F8: variants seen among roughly 807,000 people sequenced by gnomAD.
F8 encodes the protein antihemophilic factor.
F8 carries 12 observed loss-of-function variants against 140.6 expected under a neutral mutation model. The ratio of observed to expected loss-of-function variants is 0.09; its 90% confidence interval spans 0.05 to 0.14. The LOEUF (loss-of-function observed/expected upper bound fraction) is 0.14. F8 is among the 10% of genes least tolerant of loss of function. The probability of loss-of-function intolerance (pLI) is 1.00; values close to 1 mark genes in which losing one functional copy is unlikely to be tolerated. For synonymous variants in F8, 585 were observed against 614.6 expected (o/e 0.95, Z 0.71); for missense variants, 1,354 against 1,720.7 (o/e 0.79, Z 3.77).
intron 6 of F8, among the ~76,000 whole-genome samples, chrX:154,979,468 T>G (rs1445739884): frequency 9.0e-6 from 1 of 110,922 alleles, no homozygotes; most frequent in Non-Finnish European, 1.9e-5. Flanking sequence ...GTGCTGGTTG[T>G]GCTATGCAGG....
At chrX:155,017,776 C>A (rs1380854314) in intron 1 of F8, among the ~76,000 whole-genome samples, 1 of 112,025 alleles carries the variant, frequency 8.9e-6, no homozygotes. Flanking sequence ...CTTATGCACA[C>A]TGAAGTTTGA....
chrX:154,862,009 G>A, intron 23 of F8, 143 bp from the exon 24 acceptor site: 3 of 744,004 alleles, frequency 4.0e-6, no homozygotes, highest in Non-Finnish European at 6.0e-6. Context: ...TCTGTTATTG[G>A]TTTTTTGTTT....
chrX:154,837,496 T>TTGA lies in F8; in HGVS notation c.*100_*101insTCA, dbSNP rs1557271004. 3.1e-6 allele frequency: 3 copies of TTGA among 978,702 alleles called. No individual in the cohort carries two copies. The highest frequency in any genetic ancestry group is 4.2e-6 in the Non-Finnish European group (3 of 706,379). The allele number at this position is 978,702 out of a possible 1,213,427, so 80.7% of individuals were successfully genotyped here. A position where few individuals can be genotyped will look rare whatever the true frequency, so the allele number is the denominator to read the frequency against. Reference sequence around the variant, plus strand: ...CAGGAGGCTTCAAGGCAGTGTCTGCTAGGATTTAGCACAAAGGTAGAAGGC... The same window carrying TTGA: ...CAGGAGGCTTCAAGGCAGTGTCTGCTTGAAGGATTTAGCACAAAGGTAGAAGGC... On this transcript the variant is annotated 3_prime_UTR_variant, in exon 26 of 26. Transcript: ENST00000360256.
intron 25 of F8, among the ~76,000 whole-genome samples, chrX:154,851,896 A>G (rs1296367493): frequency 8.9e-6 from 1 of 111,858 alleles, no homozygotes; most frequent in Non-Finnish European, 1.9e-5. Flanking sequence ...GATGTACAAA[A>G]GCTTTTAACT....
rs782792194 is a variant in F8, at chrX:154,951,888, G to GA, written c.1903+2003dup. Among the ~76,000 whole-genome samples, 33 of 110,463 alleles carry GA rather than the reference G, an allele frequency of 3.0e-4. No individual in the cohort carries two copies. In the East Asian group the frequency reaches 8.5e-3, roughly 28 times the overall value. On this transcript the variant is annotated intron_variant, in intron 12 of 25. Transcript: ENST00000360256. The stretch of plus-strand genomic sequence containing the variant: ...AAAAGCTATATTAGAAATCCCAGAG[G>GA]AAAAAAAATATATATCATCTTCAGT...
chrX:154,959,154 T>G, intron 10 of F8, among the ~76,000 whole-genome samples: 1 of 111,412 alleles, frequency 9.0e-6, no homozygotes. Context: ...GGCAGGCAGA[T>G]CGCTTGAGCT....
chrX:154,970,345 A>C (rs1388722548), intron 6 of F8, among the ~76,000 whole-genome samples: 1 of 111,890 alleles, frequency 8.9e-6, no homozygotes, highest in Non-Finnish European at 1.9e-5. Context: ...TTCAGATCCC[A>C]CACTGGTAAC....
At chrX:154,917,853 T>C in intron 14 of F8, among the ~76,000 whole-genome samples, 1 of 112,075 alleles carries the variant, frequency 8.9e-6, no homozygotes, top group South Asian at 3.7e-4. Flanking sequence ...GTTCTTTGAG[T>C]TTCCTCAGAA....
Position 154,837,520 on chromosome X carries a change from G to T in F8, c.*77C>A. On this transcript the variant is annotated 3_prime_UTR_variant, in exon 26 of 26. Coordinates refer to ENST00000360256, the MANE Select transcript of F8 (RefSeq NM_000132.4). ...CTAGGATTTAGCACAAAGGTAGAAG[G>T]CAAGCCAGGGAGGGACACTGCCCTG... 1 of 1,100,139 alleles carries T rather than the reference G, an allele frequency of 9.1e-7. No homozygotes were observed. The allele number at this position is 1,100,139 out of a possible 1,213,427, so 90.7% of individuals were successfully genotyped here. A position where few individuals can be genotyped will look rare whatever the true frequency, so the allele number is the denominator to read the frequency against.
intron 4 of F8, among the ~76,000 whole-genome samples, chrX:154,992,552 T>G (rs2073593781): frequency 8.9e-6 from 1 of 112,288 alleles, no homozygotes; most frequent in South Asian, 3.7e-4. Flanking sequence ...CCAGTCTATA[T>G]GCCATTGATC....
chrX:154,851,602 T>G (rs1403398840), intron 25 of F8, among the ~76,000 whole-genome samples: 1 of 111,505 alleles, frequency 9.0e-6, no homozygotes, highest in African/African-American at 3.3e-5. Flanking sequence ...TTAGCCATCC[T>G]AGCAGGTTTG....
intron 22 of F8, among the ~76,000 whole-genome samples, chrX:154,871,712 T>C (rs1289401058): frequency 5.4e-5 from 6 of 111,941 alleles, no homozygotes; most frequent in African/African-American, 1.9e-4. Flanking sequence ...CTAATTAAAC[T>C]AAAGAGCTTC....
chrX:155,000,214 C>T (rs2073639263), intron 1 of F8, among the ~76,000 whole-genome samples: 1 of 112,076 alleles, frequency 8.9e-6, no homozygotes, highest in African/African-American at 3.2e-5. Flanking sequence ...AGGCTGGTTC[C>T]CAACTTTTCC....
chrX:154,942,259 T>C (rs2073271298), intron 13 of F8, among the ~76,000 whole-genome samples: 2 of 110,422 alleles, frequency 1.8e-5, no homozygotes, highest in Admixed American at 9.6e-5. Flanking sequence ...ACAGAATTGA[T>C]AGACCGCTAG....
chrX:154,934,540 T>C (rs1474539265), intron 13 of F8, among the ~76,000 whole-genome samples: 2 of 111,942 alleles, frequency 1.8e-5, no homozygotes, highest in Non-Finnish European at 3.8e-5. Context: ...GTAGGAAAGA[T>C]GGGACCAGAA....
chrX:154,861,806 G>A lies in F8; in HGVS notation c.6635C>T (p.Ser2212Leu). 1 of 1,210,601 alleles carries A rather than the reference G, an allele frequency of 8.3e-7. No individual in the cohort carries two copies. The highest frequency in any genetic ancestry group is 1.1e-6 in the Non-Finnish European group (1 of 894,527). ...KAISDAQITASSYFTNMFATW... is the reference protein window; with the variant it reads ...KAISDAQITALSYFTNMFATW... Reference sequence around the variant, plus strand: ...GGCAAACATATTGGTAAAGTAGGATGAAGCAGTAATCTGTGCATCTGATAT... The same window carrying A: ...GGCAAACATATTGGTAAAGTAGGATAAAGCAGTAATCTGTGCATCTGATAT... Residue 2212 changes from serine to leucine, a missense_variant, in exon 24 of 26, where the codon TCA becomes TTA. By Grantham distance (145) the Ser-to-Leu change is moderately radical (BLOSUM62 -2). Coordinates refer to ENST00000360256, the MANE Select transcript of F8 (RefSeq NM_000132.4).
intron 25 of F8, among the ~76,000 whole-genome samples, chrX:154,847,256 T>C (rs1326123660): frequency 9.0e-6 from 1 of 111,098 alleles, no homozygotes; most frequent in Non-Finnish European, 1.9e-5. Context: ...CTGACAGTTA[T>C]GTGTCTTGGA....
intron 22 of F8, among the ~76,000 whole-genome samples, chrX:154,890,774 C>T (rs1271197840): frequency 1.8e-5 from 2 of 112,034 alleles, no homozygotes; most frequent in East Asian, 5.5e-4. Flanking sequence ...CTAAATAAAG[C>T]ACATGGCTCA....
At chrX:154,942,569 G>A (rs1557279931) in intron 13 of F8, among the ~76,000 whole-genome samples, 1 of 111,712 alleles carries the variant, frequency 9.0e-6, no homozygotes, top group Non-Finnish European at 1.9e-5. Flanking sequence ...TGGATTCACA[G>A]CCAAATTCTA....
Sources: gnomAD v4.1 joint callset for allele counts (sites outside exome capture counted in the v4.1 genomes callset) on GRCh38, gnomAD v4.1.1 for gene constraint, MANE v1.5 for transcripts, NCBI Gene and HGNC (gene_info 2026-07-23, HGNC 2026-07-21) for gene names.